The following UPRT variants were observed in gnomAD, a reference collection of about 807,000 sequenced individuals.
UPRT encodes RP11-311P8.3.
Under a neutral mutation model 22.6 loss-of-function variants are expected in UPRT, and 5 were observed. The ratio of observed to expected loss-of-function variants is 0.22; its 90% CI spans 0.12 to 0.47. The LOEUF is 0.47. UPRT is among the 20% of genes least tolerant of loss of function. The pLI is 0.99. For missense variants in UPRT, 181 were observed against 239.9 expected (o/e 0.75, Z 1.62); for synonymous variants, 77 against 87.7 (o/e 0.88, Z 0.68).
At position 75,261,189 on chromosome X, in the gene UPRT, A is replaced by G. The variant is rs1050720790; in HGVS notation, c.-446-29835A>G. On this transcript the variant is annotated intron_variant, in intron 4 of 13. Transcript: ENST00000652605. ...ATTGACACCCTAACATCACAATTAA[A>G]AGAACTAGAGAAGCAAGAGCAAACA... Among the ~76,000 whole-genome samples, 3 of 111,880 alleles carry G rather than the reference A, an allele frequency of 2.7e-5. No homozygotes were observed. In the East Asian group the frequency reaches 8.4e-4, roughly 31 times the overall value.
intron 4 of UPRT, among the ~76,000 whole-genome samples, chrX:75,215,575 A>G (rs1337805045): frequency 1.8e-5 from 2 of 111,978 alleles, no homozygotes; most frequent in Non-Finnish European, 3.8e-5. Context: ...GTAATAAAGA[A>G]ATATTATGAA....
upstream of UPRT, among the ~76,000 whole-genome samples, chrX:75,271,248 T>C (rs951849788): frequency 8.9e-6 from 1 of 112,470 alleles, no homozygotes; most frequent in African/African-American, 3.2e-5. Context: ...GGTTTCAAAC[T>C]ATGCTATAAG....
intron 4 of UPRT, among the ~76,000 whole-genome samples, chrX:75,177,420 C>T (rs760172106): frequency 9.0e-6 from 1 of 111,476 alleles, no homozygotes; most frequent in African/African-American, 3.3e-5. Context: ...CTTGCCTGTC[C>T]TCCTAGACCA....
chrX:75,202,977 T>C (rs551923456), intron 4 of UPRT, among the ~76,000 whole-genome samples: 2 of 111,575 alleles, frequency 1.8e-5, no homozygotes, highest in Admixed American at 1.9e-4. Context: ...ATGGACTGAA[T>C]GCCCCAATTA....
intron 4 of UPRT, among the ~76,000 whole-genome samples, chrX:75,223,520 A>C (rs187638173): frequency 9.0e-6 from 1 of 111,251 alleles, no homozygotes; most frequent in East Asian, 2.8e-4. Flanking sequence ...TCAAGTTCTT[A>C]CTGCAGAGAT....
At position 75,161,723 on chromosome X, in the gene UPRT, T is replaced by G. The variant is rs957930950; in HGVS notation, c.-615+1052T>G. ...GATGTAACCTGAGACTTACAGACAT[T>G]AAAGAACTTTCCCAAGATTGCTTAC... On this transcript the variant is annotated intron_variant, in intron 2 of 13. Coordinates refer to the UPRT transcript ENST00000652605. 2.7e-5 allele frequency among the ~76,000 whole-genome samples: 3 copies of G among 111,876 alleles called. No individual in the cohort carries two copies. The South Asian group carries it at 1.1e-3, about 42-fold the overall frequency.
At chrX:75,266,460 A>T (rs911384952) in intron 4 of UPRT, among the ~76,000 whole-genome samples, 1 of 111,884 alleles carries the variant, frequency 8.9e-6, no homozygotes, top group Non-Finnish European at 1.9e-5. Flanking sequence ...TAAAGATTTA[A>T]ATGTTAGACC....
chrX:75,270,557 A>G (rs1050380905), upstream of UPRT, among the ~76,000 whole-genome samples: 1 of 112,037 alleles, frequency 8.9e-6, no homozygotes, highest in Non-Finnish European at 1.9e-5. Flanking sequence ...CATAGATACC[A>G]TGGATTACCA....
chrX:75,236,885 A>T (rs1377801301), intron 4 of UPRT, among the ~76,000 whole-genome samples: 2 of 112,443 alleles, frequency 1.8e-5, no homozygotes, highest in Non-Finnish European at 3.8e-5. Context: ...GGACATAGGC[A>T]TGGCAAGGAC....
chrX:75,255,766 A>G (rs1020275851), intron 4 of UPRT, among the ~76,000 whole-genome samples: 1 of 112,216 alleles, frequency 8.9e-6, no homozygotes, highest in African/African-American at 3.2e-5. Flanking sequence ...AAAGACAAAG[A>G]GGGAAATTAT....
intron 4 of UPRT, among the ~76,000 whole-genome samples, chrX:75,208,973 A>G (rs1031318261): frequency 3.6e-5 from 4 of 111,879 alleles, no homozygotes; most frequent in African/African-American, 1.3e-4. Flanking sequence ...GAATTGCCGG[A>G]GGCAAATTGT....
At chrX:75,237,345 TTGG>T (rs1376813497) in intron 4 of UPRT, among the ~76,000 whole-genome samples, 1 of 111,881 alleles carries the variant, frequency 8.9e-6, no homozygotes, top group Non-Finnish European at 1.9e-5. Context: ...TTTTACACTG[TTGG>T]TGGGACTGTA....
At chrX:75,227,103 A>G (rs771528352) in intron 4 of UPRT, among the ~76,000 whole-genome samples, 4 of 111,317 alleles carry the variant, frequency 3.6e-5, no homozygotes, top group Admixed American at 2.9e-4. Context: ...TCCATCGTCC[A>G]GTCAAGTCTT....
intron 4 of UPRT, among the ~76,000 whole-genome samples, chrX:75,176,643 C>A (rs2082247688): frequency 9.0e-6 from 1 of 110,789 alleles, no homozygotes; most frequent in Non-Finnish European, 1.9e-5. Flanking sequence ...TTGCTTATTT[C>A]CTTTTGGGCA....
chrX:75,233,893 C>A (rs2082449416), intron 4 of UPRT, among the ~76,000 whole-genome samples: 1 of 109,129 alleles, frequency 9.2e-6, no homozygotes, highest in South Asian at 4.1e-4. Flanking sequence ...AGCAAAATAA[C>A]CAGCTAACAT....
intron 4 of UPRT, among the ~76,000 whole-genome samples, chrX:75,230,598 C>T (rs1211789692): frequency 2.7e-5 from 3 of 112,077 alleles, no homozygotes; most frequent in African/African-American, 9.7e-5. Context: ...GTCAGAGATC[C>T]TGAGTCTGTC....
intron 4 of UPRT, among the ~76,000 whole-genome samples, chrX:75,232,173 G>T (rs1473774044): frequency 5.3e-5 from 6 of 112,275 alleles, no homozygotes; most frequent in Non-Finnish European, 1.1e-4. Flanking sequence ...AAAGAAAGGG[G>T]TGACAGACGG....
chrX:75,274,075 G>A (rs1337129500), upstream of UPRT: 2 of 613,394 alleles, frequency 3.3e-6, no homozygotes, highest in Non-Finnish European at 2.4e-6. Context: ...GGTGTGGGCG[G>A]GAGTGAGCCA....
At chrX:75,222,847 T>C (rs764765887) in intron 4 of UPRT, among the ~76,000 whole-genome samples, 30 of 110,336 alleles carry the variant, frequency 2.7e-4, no homozygotes, top group Non-Finnish European at 5.3e-4. Flanking sequence ...GCTGAGCTGG[T>C]ACCTAACCTA....
Sources: gnomAD v4.1 joint callset for allele counts (sites outside exome capture counted in the v4.1 genomes callset) on GRCh38, gnomAD v4.1.1 for gene constraint, MANE v1.5 for transcripts, NCBI Gene and HGNC (gene_info 2026-07-23, HGNC 2026-07-21) for gene names.